Variants in ERC1 observed in about 807,000 individuals in gnomAD.
ERC1 encodes the protein RAB6 interacting protein 2.
A neutral mutation model predicts 132.0 loss-of-function variants in ERC1; 56 were observed. The ratio of observed to expected loss-of-function variants is 0.42; its 90% CI spans 0.34 to 0.53. The LOEUF (loss-of-function observed/expected upper bound fraction) is 0.53. Among genes scored for constraint, ERC1 ranks in the 20% least tolerant of loss-of-function variants. The probability of loss-of-function intolerance (pLI) is 0.03; values close to 1 mark genes in which losing one functional copy is unlikely to be tolerated. For synonymous variants in ERC1, 478 were observed against 476.1 expected, an observed-to-expected ratio of 1.00 and a Z score of -0.05; for missense variants, 1,202 against 1,349.9, an observed-to-expected ratio of 0.89 and a Z score of 1.72.
intron 1 of ERC1, among the ~76,000 whole-genome samples, chr12:997,611 A>G (rs952948236): frequency 6.6e-6 from 1 of 152,152 alleles, no homozygotes; most frequent in Non-Finnish European, 1.5e-5. Flanking sequence ...GCATATCCTT[A>G]CTGAGTATGG....
At chr12:1,013,894 G>C (rs1293860804) in intron 1 of ERC1, among the ~76,000 whole-genome samples, 1 of 152,076 alleles carries the variant, frequency 6.6e-6, no homozygotes, top group East Asian at 1.9e-4. Context: ...ACCACACCTG[G>C]CTAATTAAAA....
At chr12:1,162,185 A>G (rs886550137) in intron 8 of ERC1, among the ~76,000 whole-genome samples, 1 of 152,176 alleles carries the variant, frequency 6.6e-6, no homozygotes, top group Non-Finnish European at 1.5e-5. Flanking sequence ...GTGCTGTACA[A>G]TGGGATTAGT....
At chr12:992,210 A>T (rs1257044513) in intron 1 of ERC1, among the ~76,000 whole-genome samples, 1 of 152,068 alleles carries the variant, frequency 6.6e-6, no homozygotes, top group Admixed American at 6.6e-5. Context: ...CCACCCTTTT[A>T]CAGGCTTTAT....
chr12:1,246,809 T>A (rs2076183062), intron 13 of ERC1, among the ~76,000 whole-genome samples: 1 of 152,090 alleles, frequency 6.6e-6, no homozygotes. Flanking sequence ...GCCAGACAAA[T>A]GCAAATTCTG....
intron 18 of ERC1, among the ~76,000 whole-genome samples, chr12:1,473,200 AT>A (rs1555119107): frequency 1.3e-5 from 2 of 151,934 alleles, no homozygotes; most frequent in Non-Finnish European, 2.9e-5. Context: ...TAATTTTTGT[AT>A]TTTTTTAAGT....
chr12:1,487,536 C>A (rs951272145), intron 18 of ERC1, among the ~76,000 whole-genome samples: 1 of 45,396 alleles, frequency 2.2e-5, no homozygotes, highest in South Asian at 5.8e-4. Context: ...TAGACCGCAC[C>A]TCTAAAAAAG....
intron 17 of ERC1, among the ~76,000 whole-genome samples, chr12:1,416,043 C>T (rs2092103849): frequency 6.6e-6 from 1 of 152,226 alleles, no homozygotes; most frequent in Non-Finnish European, 1.5e-5. Flanking sequence ...CTGCTGTCTC[C>T]ATTACACCAT....
At chr12:1,001,914 G>A (rs867870453) in intron 1 of ERC1, among the ~76,000 whole-genome samples, 1 of 141,018 alleles carries the variant, frequency 7.1e-6, no homozygotes. Flanking sequence ...AGGCTGGAGT[G>A]CAGTGGCGCA....
Position 1,205,413 on chromosome 12 carries a change from G to GTA in ERC1, c.2351+15376_2351+15377dup, listed in dbSNP as rs58629430. ...TATATATATCTGTGTGTGTGTGTGTGTATATATATATATATAGATATATAT... is the reference window on the plus strand; with the variant it reads ...TATATATATCTGTGTGTGTGTGTGTGTATATATATATATATATAGATATATAT... On this transcript the variant is annotated intron_variant, in intron 12 of 18. Transcript: ENST00000360905. Among the ~76,000 whole-genome samples the GTA allele has an allele frequency of 4.0e-3, 575 of 143,712 alleles. 5 individuals carry two copies. The highest frequency in any genetic ancestry group is 9.5e-3 in the South Asian group (43 of 4,510). 94.3% of individuals were successfully genotyped at this position (143,712 alleles called of 152,430 possible).
At chr12:1,262,929 C>G in intron 13 of ERC1, 105 bp from the exon 14 acceptor site, 1 of 1,141,216 alleles carries the variant, frequency 8.8e-7, no homozygotes, top group Non-Finnish European at 1.2e-6. Context: ...GGATTTGCTT[C>G]TGATGGAAAG....
chr12:1,341,347 A>T (rs751383980), intron 15 of ERC1, among the ~76,000 whole-genome samples: 1 of 151,826 alleles, frequency 6.6e-6, no homozygotes, highest in Non-Finnish European at 1.5e-5. Context: ...TCATGCTACT[A>T]TAAAGACATG....
chr12:1,181,795 A>C (rs1287704708), intron 9 of ERC1, 130 bp from the exon 10 acceptor site: 2 of 1,053,378 alleles, frequency 1.9e-6, no homozygotes, highest in Non-Finnish European at 1.3e-6. Context: ...AAAAAAAAAA[A>C]AAAGTGGATT....
chr12:1,120,779 TTAGTAA>T (rs1946994071), intron 7 of ERC1, among the ~76,000 whole-genome samples: 1 of 152,202 alleles, frequency 6.6e-6, no homozygotes, highest in African/African-American at 2.4e-5. Context: ...AATCTATATC[TTAGTAA>T]TAGTAAGAGG....
chr12:1,164,276 T>G lies in ERC1; in HGVS notation c.1738-16264T>G, dbSNP rs1447072887. ...ATTTTATTTTATTTTATGTTGTTAT[T>G]TTATGTTATTTTATTTTGTTATTTT... On this transcript the variant is annotated intron_variant, in intron 8 of 18. Transcript: ENST00000360905. 3.8e-3 allele frequency among the ~76,000 whole-genome samples: 535 copies of G among 140,592 alleles called. 7 individuals are homozygous for G. The highest frequency in any genetic ancestry group is 0.014 in the African/African-American group (509 of 36,686). The allele number at this position is 140,592 out of a possible 152,430, so 92.2% of individuals were successfully genotyped here. A position where few individuals can be genotyped will look rare whatever the true frequency, so the allele number is the denominator to read the frequency against.
At chr12:1,063,667 T>C (rs1249690274) in intron 2 of ERC1, among the ~76,000 whole-genome samples, 1 of 152,232 alleles carries the variant, frequency 6.6e-6, no homozygotes, top group Non-Finnish European at 1.5e-5. Context: ...TCAGCCTATA[T>C]CTTTTAATTG....
At chr12:1,263,382 G>A (rs1460534774) in intron 14 of ERC1, among the ~76,000 whole-genome samples, 4 of 152,188 alleles carry the variant, frequency 2.6e-5, no homozygotes, top group Non-Finnish European at 4.4e-5. Context: ...AACTTTATTA[G>A]CAAAGCTGAG....
chr12:1,148,118 G>C (rs566113103), intron 8 of ERC1, among the ~76,000 whole-genome samples: 115 of 152,272 alleles, frequency 7.6e-4, no homozygotes, highest in African/African-American at 2.6e-3. Context: ...AGATATACTG[G>C]TTAGAATTCA....
chr12:1,173,331 T>A (rs1953292401), intron 8 of ERC1, among the ~76,000 whole-genome samples: 1 of 152,182 alleles, frequency 6.6e-6, no homozygotes, highest in Non-Finnish European at 1.5e-5. Context: ...TGTTTTTAAG[T>A]GTTGGCTGCT....
At chr12:1,307,473 G>A (rs551502337) in intron 15 of ERC1, among the ~76,000 whole-genome samples, 2 of 152,310 alleles carry the variant, frequency 1.3e-5, no homozygotes, top group South Asian at 4.1e-4. Context: ...GGATGTCATT[G>A]GTTTGAAGGA....
Sources: gnomAD v4.1 joint callset for allele counts (sites outside exome capture counted in the v4.1 genomes callset) on GRCh38, gnomAD v4.1.1 for gene constraint, MANE v1.5 for transcripts, NCBI Gene and HGNC (gene_info 2026-07-23, HGNC 2026-07-21) for gene names.